The following RAG1 variants were observed in gnomAD, a reference collection of about 807,000 sequenced individuals.
The protein encoded by RAG1 is recombination activating 1, also known as V(D)J recombination-activating protein 1.
Under a neutral mutation model 62.7 loss-of-function variants are expected in RAG1, and 35 were observed. That is an observed-to-expected ratio of 0.56 (90% confidence interval 0.43 to 0.74). RAG1 has a LOEUF of 0.74. Among genes scored for constraint, RAG1 ranks in the 30% least tolerant of loss-of-function variants. The pLI is 0.00. For synonymous variants in RAG1, 461 were observed against 470.3 expected, an observed-to-expected ratio of 0.98 and a Z score of 0.26; for missense variants, 1,169 against 1,278.6, an observed-to-expected ratio of 0.91 and a Z score of 1.31.
intron 3 of RAG1, among the ~76,000 whole-genome samples, chr11:36,542,096 C>A (rs1850313106): frequency 6.6e-6 from 1 of 152,142 alleles, no homozygotes; most frequent in Non-Finnish European, 1.5e-5. Context: ...GTTCTTGAGG[C>A]CTCTGAGTTC....
At chr11:36,548,567 G>C (rs1416189170) in intron 3 of RAG1, among the ~76,000 whole-genome samples, 1 of 152,134 alleles carries the variant, frequency 6.6e-6, no homozygotes, top group Non-Finnish European at 1.5e-5. Context: ...ACTTACAAGA[G>C]ATGTGAAGGA....
chr11:36,511,799 C>A (rs1859926902), intron 1 of RAG1, among the ~76,000 whole-genome samples: 1 of 152,074 alleles, frequency 6.6e-6, no homozygotes, highest in African/African-American at 2.4e-5. Context: ...AAATTGAGAG[C>A]TGGAGAAAAG....
chr11:36,534,847 T>A (rs1590672220), intron 2 of RAG1, among the ~76,000 whole-genome samples: 1 of 152,364 alleles, frequency 6.6e-6, no homozygotes, highest in South Asian at 2.1e-4. Flanking sequence ...CATTTAGGTC[T>A]ATCAATGTAC....
At chr11:36,519,269 G>A (rs1860042106) in intron 1 of RAG1, among the ~76,000 whole-genome samples, 1 of 152,102 alleles carries the variant, frequency 6.6e-6, no homozygotes, top group African/African-American at 2.4e-5. Context: ...GTTTTCTAAT[G>A]GGAAATCCCT....
rs368199324 is a variant in RAG1, at chr11:36,573,959, C to T, written c.655C>T (p.Arg219Trp). The T allele has an allele frequency of 3.6e-5, 58 of 1,614,092 alleles. No individual in the cohort carries two copies. Among genetic ancestry groups the T allele is most frequent in the African/African-American group, 5.3e-5 (4 of 75,016 alleles). The change falls in exon 2 of 2, where the codon CGG (arginine) becomes TGG (tryptophan). Residue 219 changes from arginine (R) to tryptophan (W), a missense_variant. By Grantham distance (101) the Arg-to-Trp change is moderately radical (BLOSUM62 -3). This residue lies in a region of RAG1 where 369 missense variants were observed against 335.3 expected (regional missense o/e 1.10). Transcript: ENST00000299440. ...PSCDICNTAR[R>W]GLKRKSLQPN... ...CTGTGACATCTGCAACACTGCCCGT[C>T]GGGGACTCAAGAGGAAGAGTCTTCA...
In RAG1 at chr11:36,575,801, C is replaced by A; in HGVS notation, c.2497C>A (p.Gln833Lys). Residue 833 changes from glutamine (Q) to lysine (K), a missense_variant, in exon 2 of 2, where the codon CAG becomes AAG. By Grantham distance (53) the Gln-to-Lys change is moderately conservative. This residue lies in a region of RAG1 where 800 missense variants were observed against 943.3 expected (regional missense o/e 0.85). Coordinates refer to ENST00000299440, the MANE Select transcript of RAG1 (RefSeq NM_000448.3). This position sits in a 1 kb window ranked among gnomAD's most constrained non-coding sequence, Gnocchi z 4.1. ...NASKEERKRW[Q>K]ATLDKHLRKK... is the part of the protein sequence containing the mutation. ...TTCCAAAGAGGAAAGGAAAAGGTGG[C>A]AGGCCACACTGGACAAGCATCTCCG... 1.2e-6 allele frequency: 2 copies of A among 1,614,222 alleles called. No individual in the cohort carries two copies. Among genetic ancestry groups the A allele is most frequent in the Admixed American group, 1.7e-5 (1 of 60,026 alleles).
chr11:36,548,540 A>G (rs920848893), intron 3 of RAG1, among the ~76,000 whole-genome samples: 3 of 152,226 alleles, frequency 2.0e-5, no homozygotes, highest in Non-Finnish European at 4.4e-5. Flanking sequence ...AAAAAAAATA[A>G]AATACCTAGG....
chr11:36,515,451 A>G (rs1174395730), intron 1 of RAG1: 3 of 152,152 alleles, frequency 2.0e-5, no homozygotes, highest in African/African-American at 7.2e-5. Context: ...AAATGTTACA[A>G]TTGCTACCAG....
intron 3 of RAG1, among the ~76,000 whole-genome samples, chr11:36,558,857 A>C (rs939034393): frequency 1.3e-5 from 2 of 151,738 alleles, no homozygotes; most frequent in African/African-American, 4.8e-5. Context: ...TTTATCTCTT[A>C]CTGTTTATCT....
At chr11:36,544,407 C>T (rs189447635) in intron 3 of RAG1, among the ~76,000 whole-genome samples, 33 of 152,290 alleles carry the variant, frequency 2.2e-4, no homozygotes, top group Non-Finnish European at 4.7e-4. Flanking sequence ...GAATTCCACC[C>T]TAGAACCTTT....
chr11:36,547,025 A>G (rs1414482134), intron 3 of RAG1, among the ~76,000 whole-genome samples: 1 of 151,770 alleles, frequency 6.6e-6, no homozygotes, highest in African/African-American at 2.4e-5. Context: ...GAATCTGACA[A>G]TTATGTGTCT....
chr11:36,538,868 T>A (rs1190817673), downstream of RAG1, among the ~76,000 whole-genome samples: 2 of 152,156 alleles, frequency 1.3e-5, no homozygotes, highest in Non-Finnish European at 2.9e-5. Flanking sequence ...CCCACCCATC[T>A]CCAAGCTGGA....
chr11:36,517,804 A>G (rs2133692209), intron 1 of RAG1, among the ~76,000 whole-genome samples: 1 of 152,324 alleles, frequency 6.6e-6, no homozygotes, highest in East Asian at 1.9e-4. Flanking sequence ...ACATTGCTTT[A>G]ACAAACAACA....
chr11:36,547,540 T>TCC (rs1850413270), intron 3 of RAG1, among the ~76,000 whole-genome samples: 1 of 152,132 alleles, frequency 6.6e-6, no homozygotes, highest in African/African-American at 2.4e-5. Flanking sequence ...ATGGATAAAT[T>TCC]CATGGACACA....
Position 36,573,556 on chromosome 11 carries a change from C to T in RAG1, c.252C>T (p.His84=), listed in dbSNP as rs764482780. Residue 84 remains histidine (H), a synonymous_variant, in exon 2 of 2, where the codon CAC becomes CAT. Transcript: ENST00000299440. ...CAACTCAGCCATTGTTAAAAGCCCA[C>T]CCTAAGTTTTCAAAGAAATTTCACG... The part of the protein sequence containing the change: ...PVPTQPLLKA[H]PKFSKKFHDN... 1.2e-6 allele frequency: 2 copies of T among 1,614,122 alleles called. No homozygotes were observed. The highest frequency in any genetic ancestry group is 1.7e-6 in the Non-Finnish European group (2 of 1,180,030).
At chr11:36,559,289 T>C (rs1033182782) in intron 3 of RAG1, among the ~76,000 whole-genome samples, 54 of 152,214 alleles carry the variant, frequency 3.5e-4, no homozygotes, top group African/African-American at 1.2e-3. Flanking sequence ...CTTGCTGTTT[T>C]TACACTTCTC....
downstream of RAG1, among the ~76,000 whole-genome samples, chr11:36,539,812 A>C (rs963208696): frequency 1.3e-5 from 2 of 152,056 alleles, no homozygotes; most frequent in Admixed American, 6.6e-5. Flanking sequence ...TACTGCTGAA[A>C]TTTTCTCTCC....
At chr11:36,523,567 T>C (rs1860113987) in intron 2 of RAG1, among the ~76,000 whole-genome samples, 2 of 152,214 alleles carry the variant, frequency 1.3e-5, no homozygotes, top group African/African-American at 4.8e-5. Flanking sequence ...TATAATATAA[T>C]TATCACACTT....
chr11:36,551,018 C>A (rs1469949253), intron 3 of RAG1, among the ~76,000 whole-genome samples: 1 of 152,050 alleles, frequency 6.6e-6, no homozygotes, highest in East Asian at 1.9e-4. Flanking sequence ...GGAGGTTGTT[C>A]TCAGTTGGCA....
Sources: allele counts gnomAD v4.1 joint callset (sites outside exome capture counted in the v4.1 genomes callset), GRCh38; gene constraint gnomAD v4.1.1; regional missense constraint gnomAD v4.1.1; non-coding constraint Gnocchi (gnomAD v3.1); transcripts MANE v1.5; gene names NCBI Gene and HGNC (gene_info 2026-07-23, HGNC 2026-07-21).